The following EOGT variants were observed in gnomAD, a reference collection of about 807,000 sequenced individuals.
The protein encoded by EOGT is EGF domain-specific O-linked N-acetylglucosamine transferase.
In EOGT, 55 loss-of-function variants were observed where a neutral mutation model predicts 70.5. That is an observed-to-expected ratio of 0.78 (90% CI 0.63 to 0.98). EOGT has a LOEUF of 0.98. EOGT is among the 50% of genes least tolerant of loss of function. The pLI, the probability that EOGT is intolerant of heterozygous loss-of-function variation, is 0.00. For synonymous variants in EOGT, 246 were observed against 217.1 expected (o/e 1.13, Z -1.17); for missense variants, 703 against 641.9 (o/e 1.10, Z -1.03).
chr3:68,981,331 TA>T (rs1174439662), intron 15 of EOGT, among the ~76,000 whole-genome samples: 1 of 152,194 alleles, frequency 6.6e-6, no homozygotes, highest in Non-Finnish European at 1.5e-5. Flanking sequence ...AATAGAGATT[TA>T]TTGCACAAAT....
intron 14 of EOGT, among the ~76,000 whole-genome samples, chr3:68,984,493 AC>A (rs1418804708): frequency 6.6e-6 from 1 of 152,072 alleles, no homozygotes; most frequent in Non-Finnish European, 1.5e-5. Context: ...GGCTATTCAA[AC>A]CCTAAAGTTG....
intron 10 of EOGT, among the ~76,000 whole-genome samples, chr3:68,990,348 CTTTTTTTTTT>C (rs56046605): frequency 9.3e-6 from 1 of 107,892 alleles, no homozygotes; most frequent in Admixed American, 1.0e-4. Context: ...TTACCACATG[CTTTTTTTTTT>C]TTTTTTTTTT....
intron 14 of EOGT, among the ~76,000 whole-genome samples, chr3:68,985,606 C>T (rs2090782614): frequency 6.6e-6 from 1 of 152,188 alleles, no homozygotes; most frequent in Admixed American, 6.5e-5. Context: ...AAGTAAGTAT[C>T]ATAGGTCCTA....
Position 68,979,660 on chromosome 3 carries a change from A to G in EOGT, c.1334+8T>C, listed in dbSNP as rs751386184. 11 of 1,613,034 alleles carry G rather than the reference A, an allele frequency of 6.8e-6. No individual in the cohort carries two copies. The African/African-American group carries it at 1.1e-4, about 16-fold the overall frequency. On this transcript the variant is annotated splice_region_variant and intron_variant, in intron 16 of 17. Transcript: ENST00000383701. ...TGCTTCAGTGTAAAACTGCCTCCCA[A>G]CACTTACAGTTCAAATACAGCAGCC...
At chr3:68,996,497 T>C (rs1275402982) in intron 10 of EOGT, among the ~76,000 whole-genome samples, 1 of 152,238 alleles carries the variant, frequency 6.6e-6, no homozygotes, top group Non-Finnish European at 1.5e-5. Context: ...AAGCCATGTT[T>C]CGGATTCCCT....
chr3:68,977,487 C>A lies in EOGT; in HGVS notation c.*131G>T. Reference sequence around the variant, plus strand: ...ACATCTATACAACACATAACAATATCCTGAAGGTATGTTTTGGCATAGAAA... The same window carrying A: ...ACATCTATACAACACATAACAATATACTGAAGGTATGTTTTGGCATAGAAA... On this transcript the variant is annotated 3_prime_UTR_variant, in exon 18 of 18. Transcript: ENST00000383701. 1.1e-6 allele frequency: 1 copy of A among 891,742 alleles called. No individual in the cohort carries two copies. The highest frequency in any genetic ancestry group is 1.8e-6 in the Non-Finnish European group (1 of 570,768). 55.2% of individuals were successfully genotyped at this position (891,742 alleles called of 1,614,324 possible). A position where few individuals can be genotyped will look rare whatever the true frequency, so the allele number is the denominator to read the frequency against.
At chr3:68,987,737 T>C in intron 13 of EOGT, 1 of 559,924 alleles carries the variant, frequency 1.8e-6, no homozygotes, top group Non-Finnish European at 3.1e-6. Context: ...TCTGTTTGGT[T>C]GGGTGGGTGA....
intron 14 of EOGT, among the ~76,000 whole-genome samples, chr3:68,985,126 C>T (rs1168874288): frequency 6.6e-6 from 1 of 152,192 alleles, no homozygotes; most frequent in Non-Finnish European, 1.5e-5. Flanking sequence ...ATATGCTTGA[C>T]CCCCAACTGC....
chr3:69,009,600 T>C (rs767578441), intron 4 of EOGT, 37 bp downstream of exon 4: 3 of 1,534,798 alleles, frequency 2.0e-6, no homozygotes, highest in African/African-American at 2.7e-5. Flanking sequence ...TGAAATTGCA[T>C]CCTCATAAAA....
chr3:68,979,739 T>C lies in EOGT; in HGVS notation c.1263A>G (p.Ile421Met), dbSNP rs773544721. 75 of 1,613,508 alleles carry C rather than the reference T, an allele frequency of 4.6e-5. No homozygotes were observed. The highest frequency in any genetic ancestry group is 6.1e-5 in the Non-Finnish European group (72 of 1,179,646). The change falls in exon 16 of 18, where the codon ATA (isoleucine) becomes ATG (methionine). Residue 421 changes from isoleucine (I) to methionine (M), a missense_variant. Coordinates refer to ENST00000383701, the MANE Select transcript of EOGT (RefSeq NM_001278689.2). ...DQLRITHNTDIFIGMHGAGLT... is the reference protein window; with the variant it reads ...DQLRITHNTDMFIGMHGAGLT... The stretch of plus-strand genomic sequence containing the variant: ...GACCAGCTCCATGCATTCCAATAAA[T>C]ATGTCCGTGTTGTGTGTGATCCTTA...
chr3:68,990,348 CTTT>C (rs56046605), intron 10 of EOGT, among the ~76,000 whole-genome samples: 32,927 of 105,398 alleles, frequency 0.31, 2,336 homozygotes, highest in East Asian at 0.45. Context: ...TTACCACATG[CTTT>C]TTTTTTTTTT....
intron 9 of EOGT, among the ~76,000 whole-genome samples, chr3:68,999,959 C>T (rs2091253423): frequency 6.6e-6 from 1 of 152,210 alleles, no homozygotes; most frequent in Admixed American, 6.5e-5. Context: ...CAGTTACTCA[C>T]ACCTGTAATC....
At chr3:68,985,612 T>A (rs1025474190) in intron 14 of EOGT, among the ~76,000 whole-genome samples, 3 of 152,192 alleles carry the variant, frequency 2.0e-5, no homozygotes, top group African/African-American at 7.2e-5. Context: ...GTATCATAGG[T>A]CCTATCTCCA....
intron 6 of EOGT, among the ~76,000 whole-genome samples, chr3:69,006,626 T>C (rs2091444972): frequency 6.6e-6 from 1 of 152,208 alleles, no homozygotes. Flanking sequence ...CCTTACCATA[T>C]GCTACATAAT....
chr3:69,009,730 G>A lies in EOGT; in HGVS notation c.117C>T (p.Ser39=). The A allele has an allele frequency of 1.2e-6, 2 of 1,614,088 alleles. No individual in the cohort carries two copies. Among genetic ancestry groups the A allele is most frequent in the Non-Finnish European group, 1.7e-6 (2 of 1,180,006 alleles). ...IPGEPLYNYA[S]IRLPEEHIPF... is the part of the protein sequence containing the mutation. ...GAATGTGCTCCTCTGGCAAGCGGAT[G>A]CTGGCATAGTTATACAGAGGTTCGC... The change falls in exon 4 of 18, where the codon AGC becomes AGT. Residue 39 remains serine, a synonymous_variant. Transcript: ENST00000383701.
At chr3:68,979,611 G>C (rs1051859181) in intron 16 of EOGT, 57 bp downstream of exon 16, 2 of 1,576,776 alleles carry the variant, frequency 1.3e-6, no homozygotes, top group African/African-American at 2.7e-5. Flanking sequence ...GAAAGCTTTA[G>C]CATGCATAAA....
intron 10 of EOGT, among the ~76,000 whole-genome samples, chr3:68,990,957 G>A (rs916483305): frequency 6.7e-6 from 1 of 149,590 alleles, no homozygotes; most frequent in Non-Finnish European, 1.5e-5. Context: ...TCTAATAAAG[G>A]CCCTTCTCAA....
intron 8 of EOGT, among the ~76,000 whole-genome samples, chr3:69,003,206 T>C (rs1029994390): frequency 1.3e-5 from 2 of 152,224 alleles, no homozygotes; most frequent in African/African-American, 4.8e-5. Flanking sequence ...TTAATACTAC[T>C]GTACCAATGT....
chr3:68,994,775 G>A (rs1254509301), intron 10 of EOGT, among the ~76,000 whole-genome samples: 1 of 152,218 alleles, frequency 6.6e-6, no homozygotes, highest in Non-Finnish European at 1.5e-5. Flanking sequence ...TGGGTGACAA[G>A]CAAGACTCTG....
Sources: allele counts gnomAD v4.1 joint callset (sites outside exome capture counted in the v4.1 genomes callset), GRCh38; gene constraint gnomAD v4.1.1; transcripts MANE v1.5; gene names NCBI Gene and HGNC (gene_info 2026-07-23, HGNC 2026-07-21).